The following TSPAN7 variants were observed in gnomAD, a reference collection of about 807,000 sequenced individuals.
TSPAN7 encodes tetraspanin-7.
A neutral mutation model predicts 17.6 loss-of-function variants in TSPAN7; 1 was observed. The observed-to-expected ratio is 0.06, with a 90% CI of 0.02 to 0.27. The LOEUF is 0.27. TSPAN7 is among the 10% of genes least tolerant of loss of function. The pLI is 1.00. For synonymous variants in TSPAN7, 78 were observed against 79.0 expected (o/e 0.99, Z 0.07); for missense variants, 112 against 201.7 (o/e 0.56, Z 2.69).
At chrX:38,591,261 T>C (rs764116284) in intron 1 of TSPAN7, among the ~76,000 whole-genome samples, 1 of 111,899 alleles carries the variant, frequency 8.9e-6, no homozygotes, top group South Asian at 3.7e-4. Context: ...TTATTTTTAA[T>C]TTCTCTTTTG....
intron 1 of TSPAN7, among the ~76,000 whole-genome samples, chrX:38,615,010 C>A (rs2069446647): frequency 9.1e-6 from 1 of 110,199 alleles, no homozygotes; most frequent in Admixed American, 9.6e-5. Flanking sequence ...TTTTGTAAAC[C>A]TTTGTCAAAC....
chrX:38,663,164 CACA>C (rs1569313978), intron 1 of TSPAN7, among the ~76,000 whole-genome samples: 7 of 107,309 alleles, frequency 6.5e-5, no homozygotes, highest in Non-Finnish European at 1.3e-4. Context: ...CACACACACA[CACA>C]CACACACACA....
At chrX:38,593,928 C>A (rs1053968607) in intron 1 of TSPAN7, among the ~76,000 whole-genome samples, 11 of 112,187 alleles carry the variant, frequency 9.8e-5, no homozygotes, top group Non-Finnish European at 1.9e-4. Flanking sequence ...TTTATCTGTC[C>A]ATCTATTCAT....
At chrX:38,675,074 T>C (rs2069844326) in intron 4 of TSPAN7, among the ~76,000 whole-genome samples, 1 of 112,220 alleles carries the variant, frequency 8.9e-6, no homozygotes, top group African/African-American at 3.2e-5. Context: ...TACATTGGGG[T>C]TGGCAAACTT....
At chrX:38,581,495 C>A (rs1310091409) in intron 1 of TSPAN7, among the ~76,000 whole-genome samples, 2 of 109,882 alleles carry the variant, frequency 1.8e-5, no homozygotes, top group Non-Finnish European at 3.8e-5. Flanking sequence ...ACGGGAAAGA[C>A]CCCCCCCTCA....
intron 1 of TSPAN7, chrX:38,623,011 A>G (rs1385187753): frequency 6.1e-6 from 2 of 329,563 alleles, no homozygotes; most frequent in Non-Finnish European, 1.2e-5. Flanking sequence ...CCTAAGTTCT[A>G]TGGCTTTTCT....
chrX:38,640,582 C>T (rs1177136520), intron 1 of TSPAN7, among the ~76,000 whole-genome samples: 6 of 112,455 alleles, frequency 5.3e-5, no homozygotes, highest in African/African-American at 1.9e-4. Context: ...TTTCAGTGGA[C>T]ATCTCCTCAA....
chrX:38,583,135 A>T (rs1198847117), intron 1 of TSPAN7, among the ~76,000 whole-genome samples: 1 of 112,518 alleles, frequency 8.9e-6, no homozygotes, highest in Non-Finnish European at 1.9e-5. Context: ...GACTAAGTTC[A>T]AAATTCCATG....
At chrX:38,651,014 C>T (rs1450555986) in intron 1 of TSPAN7, among the ~76,000 whole-genome samples, 1 of 106,032 alleles carries the variant, frequency 9.4e-6, no homozygotes, top group African/African-American at 3.5e-5. Flanking sequence ...ACAAAGCACT[C>T]TTTCTAGTCA....
At chrX:38,595,460 G>A (rs1283210088) in intron 1 of TSPAN7, among the ~76,000 whole-genome samples, 1 of 112,042 alleles carries the variant, frequency 8.9e-6, no homozygotes, top group African/African-American at 3.2e-5. Flanking sequence ...CTTGAGCTAA[G>A]ATGTGATGTC....
At chrX:38,597,722 G>A (rs1239932464) in intron 1 of TSPAN7, among the ~76,000 whole-genome samples, 1 of 111,398 alleles carries the variant, frequency 9.0e-6, no homozygotes, top group African/African-American at 3.3e-5. Context: ...TAAAACATAA[G>A]TGCTGTGAAT....
intron 1 of TSPAN7, among the ~76,000 whole-genome samples, chrX:38,646,001 G>A (rs1281141047): frequency 9.0e-6 from 1 of 111,024 alleles, no homozygotes; most frequent in African/African-American, 3.3e-5. Context: ...TTGTTTTTTG[G>A]GTGCCTGCAC....
At chrX:38,565,098 A>C (rs2069134996) in intron 1 of TSPAN7, among the ~76,000 whole-genome samples, 1 of 112,158 alleles carries the variant, frequency 8.9e-6, no homozygotes, top group African/African-American at 3.2e-5. Context: ...CAGTTCAGTA[A>C]ATGCAGTTGG....
intron 1 of TSPAN7, among the ~76,000 whole-genome samples, chrX:38,659,823 C>CTTTTTTTTTTTTTTTTTTTTTTT (rs748922281): frequency 1.6e-5 from 1 of 61,605 alleles, no homozygotes; most frequent in Non-Finnish European, 2.9e-5. Context: ...TTTTCTTTTT[C>CTTTTTTTTTTTTTTTTTTTTTTT]TTTTTTTTTT....
intron 5 of TSPAN7, among the ~76,000 whole-genome samples, chrX:38,680,605 A>G (rs1462117460): frequency 4.7e-5 from 5 of 105,920 alleles, no homozygotes; most frequent in Non-Finnish European, 9.7e-5. Flanking sequence ...ACCCTAGAAC[A>G]TAGGTTTTCC....
At chrX:38,657,165 T>C (rs776133026) in intron 1 of TSPAN7, among the ~76,000 whole-genome samples, 7 of 111,532 alleles carry the variant, frequency 6.3e-5, no homozygotes, top group African/African-American at 2.3e-4. Flanking sequence ...TAATAACATG[T>C]TCAGGAATTT....
intron 1 of TSPAN7, among the ~76,000 whole-genome samples, chrX:38,659,934 C>T (rs1228431121): frequency 9.7e-6 from 1 of 103,211 alleles, no homozygotes; most frequent in Non-Finnish European, 2.0e-5. Flanking sequence ...TCAAGTGATT[C>T]TCCCGCCTCA....
Position 38,608,910 on chromosome X carries a change from C to T in TSPAN7, c.81+47283C>T, listed in dbSNP as rs944084475. Among the ~76,000 whole-genome samples, 6 of 112,049 alleles carry T rather than the reference C, an allele frequency of 5.4e-5. 1 individual carries two copies. Among genetic ancestry groups the T allele is most frequent in the Admixed American group, 9.5e-5 (1 of 10,559 alleles). ...TTTCACTCAATATTTTGCTATGCTA[C>T]AGGACCCCATTGTATGAATATACCA... On this transcript the variant is annotated intron_variant, in intron 1 of 7. Transcript: ENST00000378482.
chrX:38,642,454 G>A (rs900558502), intron 1 of TSPAN7, among the ~76,000 whole-genome samples: 2 of 111,933 alleles, frequency 1.8e-5, no homozygotes, highest in African/African-American at 3.3e-5. Context: ...AATCTAGTTG[G>A]AGAGCAAAGA....
Sources: allele counts gnomAD v4.1 joint callset (sites outside exome capture counted in the v4.1 genomes callset), GRCh38; gene constraint gnomAD v4.1.1; transcripts MANE v1.5; gene names NCBI Gene and HGNC (gene_info 2026-07-23, HGNC 2026-07-21).